Variants in SPRED2 observed in about 807,000 individuals in gnomAD.
SPRED2 encodes sprouty-related, EVH1 domain-containing protein 2.
Under a neutral mutation model 43.0 loss-of-function variants are expected in SPRED2, and 47 were observed. The observed-to-expected ratio is 1.09, with a 90% CI of 0.87 to 1.40. SPRED2 has a LOEUF of 1.40. Among genes scored for constraint, SPRED2 ranks in the 40% most tolerant of loss-of-function variants. The pLI, the probability that SPRED2 is intolerant of heterozygous loss-of-function variation, is 0.00. For synonymous variants in SPRED2, 225 were observed against 225.7 expected (o/e 1.00, Z 0.03); for missense variants, 561 against 586.4 (o/e 0.96, Z 0.45).
chr2:65,401,937 G>GCGCACACACACACACACACACACA (rs776512353), intron 1 of SPRED2, among the ~76,000 whole-genome samples: 4 of 114,714 alleles, frequency 3.5e-5, no homozygotes, highest in Admixed American at 1.6e-4. Flanking sequence ...GCGCGCGCGC[G>GCGCACACACACACACACACACACA]CACACACACA....
intron 1 of SPRED2, among the ~76,000 whole-genome samples, chr2:65,352,181 T>C (rs991686929): frequency 6.6e-6 from 1 of 152,254 alleles, no homozygotes; most frequent in African/African-American, 2.4e-5. Context: ...GATCTGGCAG[T>C]AGCCAATTCT....
chr2:65,376,644 T>A (rs893851375), intron 1 of SPRED2, among the ~76,000 whole-genome samples: 1 of 152,078 alleles, frequency 6.6e-6, no homozygotes, highest in Non-Finnish European at 1.5e-5. Flanking sequence ...TCTCCCAAAC[T>A]CATCTCACAA....
intron 1 of SPRED2, among the ~76,000 whole-genome samples, chr2:65,419,529 C>G (rs67403458): frequency 0.084 from 12,719 of 151,980 alleles, 653 homozygotes; most frequent in East Asian, 0.16. Context: ...AGCACAAGGA[C>G]TCAAAGGGAA....
In SPRED2 at chr2:65,347,438, C is replaced by A. The variant is rs143698826; in HGVS notation, c.27-2542G>T. ...TCCTGCTACATTTCCCTGATCTGTC[C>A]CCCAAAGACAACTTCACATGGCCTC... On this transcript the variant is annotated intron_variant, in intron 1 of 5. Coordinates refer to ENST00000356388, the MANE Select transcript of SPRED2 (RefSeq NM_181784.3). Among the ~76,000 whole-genome samples the A allele has an allele frequency of 6.8e-3, 1,030 of 152,120 alleles. 5 individuals are homozygous for A. The highest frequency in any genetic ancestry group is 0.014 in the Middle Eastern group (4 of 294).
chr2:65,416,378 A>T (rs1487163584), intron 1 of SPRED2, among the ~76,000 whole-genome samples: 2 of 152,120 alleles, frequency 1.3e-5, no homozygotes, highest in Non-Finnish European at 2.9e-5. Context: ...CTGCCCAGGG[A>T]CGGGATGGGA....
intron 1 of SPRED2, among the ~76,000 whole-genome samples, chr2:65,373,259 GT>G (rs1675171310): frequency 6.6e-6 from 1 of 152,172 alleles, no homozygotes; most frequent in Non-Finnish European, 1.5e-5. Context: ...GTTTAAACTA[GT>G]TTAGTACCTG....
At chr2:65,323,437 G>A (rs999356647) in intron 4 of SPRED2, among the ~76,000 whole-genome samples, 7 of 152,086 alleles carry the variant, frequency 4.6e-5, no homozygotes, top group African/African-American at 7.2e-5. Flanking sequence ...AACCCAGAAA[G>A]GAGAGAGTAA....
intron 1 of SPRED2, among the ~76,000 whole-genome samples, chr2:65,352,561 T>C (rs1674541483): frequency 1.3e-5 from 2 of 152,248 alleles, no homozygotes; most frequent in Non-Finnish European, 2.9e-5. Flanking sequence ...TGAGGTGCTG[T>C]AGCTAATCTT....
chr2:65,366,266 C>G (rs1674972316), intron 1 of SPRED2, among the ~76,000 whole-genome samples: 1 of 152,110 alleles, frequency 6.6e-6, no homozygotes, highest in Non-Finnish European at 1.5e-5. Context: ...CAAGCTGTTT[C>G]CTAGGCAGCA....
chr2:65,352,554 G>A (rs546109170), intron 1 of SPRED2, among the ~76,000 whole-genome samples: 12 of 152,368 alleles, frequency 7.9e-5, no homozygotes, highest in African/African-American at 2.9e-4. Flanking sequence ...GCTTTTCTGA[G>A]GTGCTGTAGC....
At chr2:65,370,434 G>A (rs1162210718) in intron 1 of SPRED2, among the ~76,000 whole-genome samples, 1 of 152,172 alleles carries the variant, frequency 6.6e-6, no homozygotes, top group Non-Finnish European at 1.5e-5. Flanking sequence ...GGCTGCTTGA[G>A]AGCTACAAAG....
chr2:65,316,367 G>C lies in SPRED2; in HGVS notation c.588+367C>G, dbSNP rs532608832. 2.0e-5 allele frequency among the ~76,000 whole-genome samples: 3 copies of C among 152,360 alleles called. No individual in the cohort carries two copies. The South Asian group carries it at 6.2e-4, about 32-fold the overall frequency. On this transcript the variant is annotated intron_variant, in intron 5 of 5. Transcript: ENST00000356388. Reference sequence around the variant, plus strand: ...CCCTTTGGACAGAGGAATGCAGGACGCAGTGTAGCCCCCTGGGTGAGAACA... The same window carrying C: ...CCCTTTGGACAGAGGAATGCAGGACCCAGTGTAGCCCCCTGGGTGAGAACA...
intron 2 of SPRED2, among the ~76,000 whole-genome samples, chr2:65,340,215 T>A (rs1054076614): frequency 1.3e-5 from 2 of 152,210 alleles, no homozygotes; most frequent in African/African-American, 2.4e-5. Flanking sequence ...AACCAAAAGC[T>A]CTCTGAGGTC....
intron 1 of SPRED2, among the ~76,000 whole-genome samples, chr2:65,369,766 G>A (rs1675077300): frequency 6.6e-6 from 1 of 151,872 alleles, no homozygotes; most frequent in Non-Finnish European, 1.5e-5. Context: ...GGCAGCTCAT[G>A]CCAGTGCTGG....
intron 1 of SPRED2, among the ~76,000 whole-genome samples, chr2:65,410,859 A>T (rs958121614): frequency 5.3e-5 from 8 of 152,188 alleles, no homozygotes; most frequent in Admixed American, 4.6e-4. Context: ...CAGAGGGTCT[A>T]TCGTGAGACG....
intron 4 of SPRED2, among the ~76,000 whole-genome samples, chr2:65,328,017 C>A (rs114745401): frequency 1.3e-5 from 2 of 152,056 alleles, no homozygotes; most frequent in Non-Finnish European, 2.9e-5. Context: ...CCGCTGTGCC[C>A]GGCCCATTTT....
intron 1 of SPRED2, among the ~76,000 whole-genome samples, chr2:65,417,328 C>T (rs749976370): frequency 2.0e-5 from 3 of 152,174 alleles, no homozygotes; most frequent in Non-Finnish European, 2.9e-5. Flanking sequence ...CATCTAAGGA[C>T]CCACCTTCTC....
chr2:65,333,507 T>C (rs1673876036), intron 3 of SPRED2, among the ~76,000 whole-genome samples: 1 of 152,104 alleles, frequency 6.6e-6, no homozygotes. Flanking sequence ...AGTATGTATA[T>C]AGAGAAAAAA....
intron 1 of SPRED2, among the ~76,000 whole-genome samples, chr2:65,403,663 G>A (rs941583258): frequency 6.6e-6 from 1 of 152,050 alleles, no homozygotes; most frequent in Non-Finnish European, 1.5e-5. Context: ...TAGCATCATG[G>A]GCAGCACCCA....
Sources: gnomAD v4.1 joint callset for allele counts (sites outside exome capture counted in the v4.1 genomes callset) on GRCh38, gnomAD v4.1.1 for gene constraint, MANE v1.5 for transcripts, NCBI Gene and HGNC (gene_info 2026-07-23, HGNC 2026-07-21) for gene names.